The following ARHGAP42 variants were observed in gnomAD, a reference collection of about 807,000 sequenced individuals.
ARHGAP42 encodes Rho GTPase activating protein 42.
ARHGAP42 carries 63 observed loss-of-function variants against 125.0 expected under a neutral mutation model. The observed-to-expected ratio is 0.50, with a 90% CI of 0.41 to 0.62. ARHGAP42 has a LOEUF of 0.62. Among genes scored for constraint, ARHGAP42 ranks in the 20% least tolerant of loss-of-function variants. The pLI is 0.00. For synonymous variants in ARHGAP42, 339 were observed against 351.0 expected (o/e 0.97, Z 0.38); for missense variants, 766 against 1,024.2 (o/e 0.75, Z 3.44).
intron 1 of ARHGAP42, among the ~76,000 whole-genome samples, chr11:100,736,936 C>G (rs147686292): frequency 6.6e-6 from 1 of 152,122 alleles, no homozygotes; most frequent in Non-Finnish European, 1.5e-5. Context: ...AGGTCAGCAA[C>G]ACTTTGAGCA....
chr11:100,822,147 C>T (rs1251656179), intron 3 of ARHGAP42, among the ~76,000 whole-genome samples: 2 of 152,112 alleles, frequency 1.3e-5, no homozygotes, highest in Non-Finnish European at 2.9e-5. Flanking sequence ...GTAGACATTT[C>T]AGTACTTGTC....
chr11:100,987,514 C>G lies in ARHGAP42; in HGVS notation c.2458C>G (p.Gln820Glu). The G allele has an allele frequency of 1.3e-6, 2 of 1,551,562 alleles. No individual in the cohort carries two copies. The highest frequency in any genetic ancestry group is 1.7e-6 in the Non-Finnish European group (2 of 1,146,810). ...GSPKPVSSGRQAKAMYSCKAE... is the reference protein window; with the variant it reads ...GSPKPVSSGREAKAMYSCKAE... ...TGACAAGTTGTCTTGCTCTTTCAGC[C>G]AAGCCAAAGCCATGTACTCCTGTAA... Residue 820 changes from glutamine (Q) to glutamate (E), a missense_variant and splice_region_variant, in exon 23 of 24, where the codon CAA becomes GAA. Coordinates refer to ENST00000298815, the MANE Select transcript of ARHGAP42 (RefSeq NM_152432.4).
At chr11:100,855,440 C>A (rs1565243626) in intron 3 of ARHGAP42, among the ~76,000 whole-genome samples, 1 of 151,782 alleles carries the variant, frequency 6.6e-6, no homozygotes, top group Admixed American at 6.6e-5. Context: ...TATTCCATTG[C>A]TACTTTTTTT....
chr11:100,933,406 A>G (rs1423006433), intron 7 of ARHGAP42, 146 bp downstream of exon 7: 4 of 516,266 alleles, frequency 7.7e-6, no homozygotes, highest in African/African-American at 2.0e-5. Context: ...ATACTAGCAA[A>G]TTTTATAAAA....
Position 100,962,448 on chromosome 11 carries a change from A to G in ARHGAP42, c.1425A>G (p.Lys475=), listed in dbSNP as rs1857980312. 6.4e-7 allele frequency: 1 copy of G among 1,550,828 alleles called. No homozygotes were observed. Among genetic ancestry groups the G allele is most frequent in the Non-Finnish European group, 8.7e-7 (1 of 1,146,446 alleles). Residue 475 remains lysine (K), a synonymous_variant, in exon 16 of 24, where the codon AAA becomes AAG. Transcript: ENST00000298815. ...AEPLMTYKLH[K]DFIIAVKSDD... Reference sequence around the variant, plus strand: ...CACTGATGACTTACAAGTTGCACAAAGATTTTATCATTGCTGTTAGTAAGT... The same window carrying G: ...CACTGATGACTTACAAGTTGCACAAGGATTTTATCATTGCTGTTAGTAAGT...
At chr11:100,811,377 A>G (rs1194046789) in intron 3 of ARHGAP42, among the ~76,000 whole-genome samples, 1 of 152,246 alleles carries the variant, frequency 6.6e-6, no homozygotes, top group Non-Finnish European at 1.5e-5. Context: ...AAGTAAATCC[A>G]TTTATAAGGA....
intron 17 of ARHGAP42, among the ~76,000 whole-genome samples, chr11:100,969,301 T>C (rs1275991556): frequency 1.3e-5 from 2 of 152,182 alleles, no homozygotes; most frequent in African/African-American, 4.8e-5. Flanking sequence ...TGTCTTTGGC[T>C]TCAGCACTTT....
In ARHGAP42 at chr11:100,868,325, A is replaced by G. The variant is rs907581745; in HGVS notation, c.384+8700A>G. The stretch of plus-strand genomic sequence containing the variant: ...ACTTCTGTTAGTGGCACTGATGTAT[A>G]TAAGGTTGCAGAATTATTCACTTTA... On this transcript the variant is annotated intron_variant, in intron 4 of 23. Coordinates refer to ENST00000298815, the MANE Select transcript of ARHGAP42 (RefSeq NM_152432.4). Among the ~76,000 whole-genome samples the G allele has an allele frequency of 2.6e-5, 4 of 152,334 alleles. No homozygotes were observed. The East Asian group carries it at 5.8e-4, about 22-fold the overall frequency.
intron 4 of ARHGAP42, among the ~76,000 whole-genome samples, chr11:100,900,821 C>G (rs1324817420): frequency 6.6e-6 from 1 of 151,682 alleles, no homozygotes; most frequent in African/African-American, 2.4e-5. Context: ...AACCCTTTTT[C>G]AAGGGTTTGA....
intron 1 of ARHGAP42, among the ~76,000 whole-genome samples, chr11:100,730,857 G>A (rs1187115826): frequency 6.6e-6 from 1 of 152,166 alleles, no homozygotes; most frequent in Non-Finnish European, 1.5e-5. Context: ...GCATATGATT[G>A]TACTGAATAT....
Position 100,712,040 on chromosome 11 carries a change from C to T in ARHGAP42, c.154+24208C>T, listed in dbSNP as rs146025340. Among the ~76,000 whole-genome samples the T allele has an allele frequency of 3.3e-3, 510 of 152,314 alleles. 2 individuals are homozygous for T. Among genetic ancestry groups the T allele is most frequent in the Non-Finnish European group, 5.4e-3 (366 of 68,030 alleles). On this transcript the variant is annotated intron_variant, in intron 1 of 23. Coordinates refer to ENST00000298815, the MANE Select transcript of ARHGAP42 (RefSeq NM_152432.4). ...TTAAAGGGTTTGTACCCACTGATTT[C>T]GTGATCTCAATTATGATACTCTTTC...
intron 1 of ARHGAP42, among the ~76,000 whole-genome samples, chr11:100,711,429 A>C (rs145904338): frequency 1.1e-3 from 171 of 152,304 alleles, no homozygotes; most frequent in African/African-American, 3.8e-3. Context: ...ATCTTGGCTC[A>C]CTGCAGCCTT....
In ARHGAP42 at chr11:100,848,443, C is replaced by A. The variant is rs555962877; in HGVS notation, c.313-11111C>A. 3.2e-4 allele frequency among the ~76,000 whole-genome samples: 49 copies of A among 151,886 alleles called. No homozygotes were observed. The South Asian group carries it at 4.8e-3, about 15-fold the overall frequency. ...GAGATAAGGAGAGTTTTACAACCAG[C>A]AACCATCTTCCTGCTCATGTAAACT... On this transcript the variant is annotated intron_variant, in intron 3 of 23. Transcript: ENST00000298815.
chr11:100,807,598 T>C (rs1202756498), intron 3 of ARHGAP42, among the ~76,000 whole-genome samples: 1 of 152,188 alleles, frequency 6.6e-6, no homozygotes, highest in Non-Finnish European at 1.5e-5. Context: ...GACCACACTT[T>C]ACATATAGGA....
At chr11:100,875,117 G>C (rs879399655) in intron 4 of ARHGAP42, among the ~76,000 whole-genome samples, 9,581 of 83,774 alleles carry the variant, frequency 0.11, 358 homozygotes, top group Non-Finnish European at 0.16. Flanking sequence ...CTGTGTGTGT[G>C]TGTGTGTGTG....
chr11:100,811,235 C>T (rs530181177), intron 3 of ARHGAP42, among the ~76,000 whole-genome samples: 2 of 152,196 alleles, frequency 1.3e-5, no homozygotes, highest in South Asian at 2.1e-4. Context: ...GGATGATAGG[C>T]GCGAGCTACC....
intron 2 of ARHGAP42, among the ~76,000 whole-genome samples, chr11:100,779,557 C>CGTATATATACATATACAT (rs1565210737): frequency 7.3e-6 from 1 of 137,818 alleles, no homozygotes; most frequent in Admixed American, 7.2e-5. Flanking sequence ...TATACATATA[C>CGTATATATACATATACAT]ATACGTATAT....
At chr11:100,882,609 C>T (rs1444686877) in intron 4 of ARHGAP42, among the ~76,000 whole-genome samples, 1 of 151,780 alleles carries the variant, frequency 6.6e-6, no homozygotes, top group Non-Finnish European at 1.5e-5. Context: ...GTGGTACTGG[C>T]CTCATAGAAT....
intron 1 of ARHGAP42, among the ~76,000 whole-genome samples, chr11:100,741,533 C>T (rs926108096): frequency 2.6e-5 from 4 of 152,190 alleles, no homozygotes; most frequent in African/African-American, 7.2e-5. Context: ...GCCTCTGCAG[C>T]CTCTAGTCCA....
Sources: gnomAD v4.1 joint callset for allele counts (sites outside exome capture counted in the v4.1 genomes callset) on GRCh38, gnomAD v4.1.1 for gene constraint, MANE v1.5 for transcripts, NCBI Gene and HGNC (gene_info 2026-07-23, HGNC 2026-07-21) for gene names.